Variants in ZNF804B observed in about 807,000 individuals in gnomAD.
The protein encoded by ZNF804B is zinc finger protein 804B.
In ZNF804B, 80 loss-of-function variants were observed where a neutral mutation model predicts 101.4. The ratio of observed to expected loss-of-function variants is 0.79; its 90% confidence interval spans 0.66 to 0.95. The LOEUF (loss-of-function observed/expected upper bound fraction) is 0.95. Among genes scored for constraint, ZNF804B ranks in the 40% least tolerant of loss-of-function variants. The pLI is 0.00. For synonymous variants in ZNF804B, 622 were observed against 558.8 expected, an observed-to-expected ratio of 1.11 and a Z score of -1.59; for missense variants, 1,673 against 1,561.9, an observed-to-expected ratio of 1.07 and a Z score of -1.20.
chr7:89,131,797 T>C (rs939771892), intron 1 of ZNF804B, among the ~76,000 whole-genome samples: 1 of 152,012 alleles, frequency 6.6e-6, no homozygotes, highest in Non-Finnish European at 1.5e-5. Flanking sequence ...TAACTCCTCA[T>C]TCTCCTGAGG....
chr7:89,103,048 G>GTT lies in ZNF804B; in HGVS notation c.109-115073_109-115072dup, dbSNP rs56693128. On this transcript the variant is annotated intron_variant, in intron 1 of 3. Coordinates refer to ENST00000333190, the MANE Select transcript of ZNF804B (RefSeq NM_181646.5). ...TTCTATTCCATTGACCTATGTGTCT[G>GTT]TTTTTTTTTTTTTTTTTTTTTTTTT... 8.0e-3 allele frequency among the ~76,000 whole-genome samples: 269 copies of GTT among 33,748 alleles called. 65 individuals are homozygous for GTT. Among genetic ancestry groups the GTT allele is most frequent in the Middle Eastern group, 0.053 (2 of 38 alleles). 22.1% of individuals were successfully genotyped at this position (33,748 alleles called of 152,430 possible).
At chr7:88,824,942 A>G (rs571306371) in intron 1 of ZNF804B, among the ~76,000 whole-genome samples, 3 of 152,300 alleles carry the variant, frequency 2.0e-5, no homozygotes, top group Non-Finnish European at 4.4e-5. Flanking sequence ...AGGCAATCTT[A>G]ATCATGTATA....
At chr7:88,999,359 G>A (rs1788250815) in intron 1 of ZNF804B, among the ~76,000 whole-genome samples, 2 of 151,962 alleles carry the variant, frequency 1.3e-5, no homozygotes, top group Non-Finnish European at 2.9e-5. Flanking sequence ...TAGTGAGGAT[G>A]TTAAAACTTG....
chr7:88,876,939 T>A (rs1174269403), intron 1 of ZNF804B, among the ~76,000 whole-genome samples: 1 of 133,690 alleles, frequency 7.5e-6, no homozygotes, highest in East Asian at 2.2e-4. Flanking sequence ...AACATCACAA[T>A]GAGCTTTACC....
chr7:88,821,206 C>T (rs190093060), intron 1 of ZNF804B, among the ~76,000 whole-genome samples: 235 of 152,282 alleles, frequency 1.5e-3, no homozygotes, highest in Non-Finnish European at 2.5e-3. Flanking sequence ...CCATAATTCC[C>T]TGGTCACAAT....
chr7:88,867,707 A>T (rs1476934170), intron 1 of ZNF804B, among the ~76,000 whole-genome samples: 1 of 152,220 alleles, frequency 6.6e-6, no homozygotes, highest in African/African-American at 2.4e-5. Context: ...GTTGAAAATA[A>T]TGTTAGTAAT....
chr7:88,919,105 A>G (rs1792681011), intron 1 of ZNF804B, among the ~76,000 whole-genome samples: 1 of 152,104 alleles, frequency 6.6e-6, no homozygotes, highest in Non-Finnish European at 1.5e-5. Flanking sequence ...CATTAAAGCT[A>G]TATGTTTAGA....
intron 1 of ZNF804B, among the ~76,000 whole-genome samples, chr7:89,072,769 T>G (rs1339489167): frequency 1.3e-5 from 2 of 152,162 alleles, no homozygotes. Context: ...CTTTTTCTTA[T>G]TTCAACTCTA....
At chr7:89,320,484 A>C (rs1222345158) in intron 2 of ZNF804B, among the ~76,000 whole-genome samples, 1 of 152,078 alleles carries the variant, frequency 6.6e-6, no homozygotes, top group Non-Finnish European at 1.5e-5. Context: ...AACACACACA[A>C]AAAAACAGTG....
intron 2 of ZNF804B, among the ~76,000 whole-genome samples, chr7:89,290,681 T>A (rs1023747937): frequency 6.6e-6 from 1 of 152,164 alleles, no homozygotes; most frequent in African/African-American, 2.4e-5. Flanking sequence ...GACTGTGTCT[T>A]GTGGTTTGAG....
intron 1 of ZNF804B, among the ~76,000 whole-genome samples, chr7:89,132,688 C>G (rs372981179): frequency 6.6e-6 from 1 of 151,968 alleles, no homozygotes; most frequent in Non-Finnish European, 1.5e-5. Flanking sequence ...GGACTCAGTA[C>G]CTAGAAAGCA....
chr7:88,910,001 G>C (rs1177392590), intron 1 of ZNF804B, among the ~76,000 whole-genome samples: 1 of 151,610 alleles, frequency 6.6e-6, no homozygotes, highest in Non-Finnish European at 1.5e-5. Context: ...ATGTATATTT[G>C]CTTACTTCTA....
At chr7:89,183,990 C>A (rs1391215955) in intron 1 of ZNF804B, among the ~76,000 whole-genome samples, 2 of 152,134 alleles carry the variant, frequency 1.3e-5, no homozygotes, top group East Asian at 3.9e-4. Flanking sequence ...CACCAGTAAA[C>A]AGGCAAACAG....
chr7:88,985,111 A>G (rs953751172), intron 1 of ZNF804B, among the ~76,000 whole-genome samples: 1 of 152,078 alleles, frequency 6.6e-6, no homozygotes. Context: ...GTCTGACTGT[A>G]TCTATTTTAG....
intron 1 of ZNF804B, among the ~76,000 whole-genome samples, chr7:89,165,479 G>A (rs1791128457): frequency 6.6e-6 from 1 of 152,014 alleles, no homozygotes; most frequent in African/African-American, 2.4e-5. Context: ...AAGAACAAAT[G>A]AGAAAGCTTT....
chr7:89,201,226 G>A (rs1268364375), intron 1 of ZNF804B, among the ~76,000 whole-genome samples: 1 of 151,992 alleles, frequency 6.6e-6, no homozygotes, highest in Admixed American at 6.6e-5. Flanking sequence ...CACTAATGAG[G>A]ACACAGATTC....
At chr7:89,317,567 CT>C (rs1416321380) in intron 2 of ZNF804B, among the ~76,000 whole-genome samples, 1 of 152,186 alleles carries the variant, frequency 6.6e-6, no homozygotes, top group Non-Finnish European at 1.5e-5. Context: ...GGCTAAGAAG[CT>C]GGAAAAGACA....
At chr7:89,035,430 A>T (rs964040637) in intron 1 of ZNF804B, among the ~76,000 whole-genome samples, 1 of 152,058 alleles carries the variant, frequency 6.6e-6, no homozygotes, top group Non-Finnish European at 1.5e-5. Context: ...AAAATGGTGT[A>T]TTTTAAAAAA....
At chr7:89,028,731 T>G (rs1171369965) in intron 1 of ZNF804B, among the ~76,000 whole-genome samples, 1 of 152,180 alleles carries the variant, frequency 6.6e-6, no homozygotes, top group Non-Finnish European at 1.5e-5. Context: ...CAACTACTTA[T>G]GTTCTTTGTT....
Sources: gnomAD v4.1 joint callset for allele counts (sites outside exome capture counted in the v4.1 genomes callset) on GRCh38, gnomAD v4.1.1 for gene constraint, MANE v1.5 for transcripts, NCBI Gene and HGNC (gene_info 2026-07-23, HGNC 2026-07-21) for gene names.